The following CHD6 variants were observed in gnomAD, a reference collection of about 807,000 sequenced individuals.
CHD6 encodes the protein ATP-dependent chromatin remodeler CHD6.
In CHD6, 50 loss-of-function variants were observed where a neutral mutation model predicts 276.9. That is an observed-to-expected ratio of 0.18 (90% CI 0.14 to 0.23). CHD6 has a LOEUF of 0.23. CHD6 is among the 10% of genes least tolerant of loss of function. The pLI is 1.00. For synonymous variants in CHD6, 1,173 were observed against 1,229.3 expected, an observed-to-expected ratio of 0.95 and a Z score of 0.96; for missense variants, 2,564 against 3,365.8, an observed-to-expected ratio of 0.76 and a Z score of 5.89.
At chr20:41,587,702 C>T (rs558763683) in intron 1 of CHD6, among the ~76,000 whole-genome samples, 5 of 152,258 alleles carry the variant, frequency 3.3e-5, no homozygotes, top group African/African-American at 9.6e-5. Flanking sequence ...CTAACGTGTA[C>T]AAAGGATAGC....
At chr20:41,477,761 T>A (rs2043198986) in intron 16 of CHD6, among the ~76,000 whole-genome samples, 1 of 152,180 alleles carries the variant, frequency 6.6e-6, no homozygotes, top group Non-Finnish European at 1.5e-5. Context: ...GCAGAACACG[T>A]GACGGGATCA....
chr20:41,533,435 G>A lies in CHD6; in HGVS notation c.169C>T (p.Pro57Ser), dbSNP rs375832703. The A allele has an allele frequency of 3.1e-6, 5 of 1,614,024 alleles. No individual in the cohort carries two copies. The highest frequency in any genetic ancestry group is 4.2e-6 in the Non-Finnish European group (5 of 1,180,024). ...TCAGCAGTATACAGGTCCTTCTGAG[G>A]CAGACAGTGACTAGCAACATCTTCA... ...KIEDVASHCL[P>S]QKDLYTAEEE... is the part of the protein sequence containing the mutation. Residue 57 changes from proline to serine, a missense_variant, in exon 3 of 37, where the codon CCT (proline) becomes TCT (serine). Around this residue, in one of 7 missense-constraint regions of CHD6, gnomAD observed 286 missense variants for 297.8 expected, o/e 0.96. Coordinates refer to ENST00000373233, the MANE Select transcript of CHD6 (RefSeq NM_032221.5).
Position 41,586,461 on chromosome 20 carries a change from T to C in CHD6, c.-24+31879A>G, listed in dbSNP as rs561556701. On this transcript the variant is annotated intron_variant, in intron 1 of 36. Coordinates refer to ENST00000373233, the MANE Select transcript of CHD6 (RefSeq NM_032221.5). ...TTCCACGGTTCTCTTCCGTGACCCA[T>C]GGCTTCTAACAGAGCTATAGAACTC... Among the ~76,000 whole-genome samples, 11 of 152,336 alleles carry C rather than the reference T, an allele frequency of 7.2e-5. No homozygotes were observed. In the South Asian group the frequency reaches 1.7e-3, roughly 23 times the overall value.
chr20:41,488,352 C>T, intron 13 of CHD6, 76 bp downstream of exon 13: 1 of 1,302,856 alleles, frequency 7.7e-7, no homozygotes, highest in East Asian at 2.3e-5. Context: ...AAGTTACATG[C>T]AGAATGGCTA....
chr20:41,498,161 G>T lies in CHD6; in HGVS notation c.974+7C>A. On this transcript the variant is annotated splice_region_variant and intron_variant, in intron 7 of 36. Transcript: ENST00000373233. Reference sequence around the variant, plus strand: ...CCAAATACAGAGAATACTTTAAATAGACGTACAAATTTCTATACTTAACGT... The same window carrying T: ...CCAAATACAGAGAATACTTTAAATATACGTACAAATTTCTATACTTAACGT... 2 of 1,594,260 alleles carry T rather than the reference G, an allele frequency of 1.3e-6. No homozygotes were observed. The highest frequency in any genetic ancestry group is 1.7e-6 in the Non-Finnish European group (2 of 1,165,494).
intron 3 of CHD6, among the ~76,000 whole-genome samples, chr20:41,530,192 A>T (rs1023801332): frequency 3.3e-5 from 5 of 152,224 alleles, no homozygotes; most frequent in Admixed American, 6.5e-5. Context: ...CGAGCTGATA[A>T]ACGAATGCCC....
At chr20:41,427,793 T>C (rs543114006) in intron 27 of CHD6, among the ~76,000 whole-genome samples, 96 of 152,252 alleles carry the variant, frequency 6.3e-4, no homozygotes, top group Non-Finnish European at 1.2e-3. Flanking sequence ...TACCATTTTA[T>C]CTTATACTAC....
intron 1 of CHD6, among the ~76,000 whole-genome samples, chr20:41,584,633 A>C (rs2045574284): frequency 6.6e-6 from 1 of 152,172 alleles, no homozygotes; most frequent in Non-Finnish European, 1.5e-5. Context: ...CCAACTACAA[A>C]AAAATTAAAT....
At chr20:41,577,604 C>T (rs2045488782) in intron 1 of CHD6, among the ~76,000 whole-genome samples, 1 of 152,184 alleles carries the variant, frequency 6.6e-6, no homozygotes, top group Non-Finnish European at 1.5e-5. Context: ...GTGTGTGTGT[C>T]TACACACACT....
At position 41,452,324 on chromosome 20, in the gene CHD6, A is replaced by G. The variant is rs1439045950; in HGVS notation, c.3324-299T>C. On this transcript the variant is annotated intron_variant, in intron 21 of 36. Coordinates refer to ENST00000373233, the MANE Select transcript of CHD6 (RefSeq NM_032221.5). This position sits in a 1 kb window ranked among gnomAD's most constrained non-coding sequence, Gnocchi z 4.2. ...TAAATTTGGAATCAAAAAGAGTCCA[A>G]CAGCACTATTCAAAAGCAATGATGA... Among the ~76,000 whole-genome samples the G allele has an allele frequency of 6.6e-6, 1 of 152,236 alleles. No homozygotes were observed. The highest frequency in any genetic ancestry group is 1.5e-5 in the Non-Finnish European group (1 of 68,050).
At chr20:41,490,141 A>G (rs1442326868) in intron 11 of CHD6, 120 bp from the exon 12 acceptor site, 2 of 834,768 alleles carry the variant, frequency 2.4e-6, no homozygotes, top group Non-Finnish European at 1.9e-6. Context: ...CTTTATCATC[A>G]TTTCACATAT....
rs752468954 is a variant in CHD6 at position 41,445,632 on chromosome 20, TACAGAAGGGAACGCCTTCA to T, written c.3877+14_3877+32del. 1 of 1,430,654 alleles carries T rather than the reference TACAGAAGGGAACGCCTTCA, an allele frequency of 7.0e-7. No homozygotes were observed. Among genetic ancestry groups the T allele is most frequent in the Non-Finnish European group, 9.9e-7 (1 of 1,013,852 alleles). The allele number at this position is 1,430,654 out of a possible 1,614,324, so 88.6% of individuals were successfully genotyped here. ...ACTCATCCTTCCTGGGGGAAACTGA[TACAGAAGGGAACGCCTTCA>T]GAGAAATACACACCATGCTTGAACA... On this transcript the variant is annotated intron_variant, in intron 25 of 36. Transcript: ENST00000373233.
At chr20:41,461,601 C>T (rs1338714657) in intron 17 of CHD6, 2 of 159,878 alleles carry the variant, frequency 1.3e-5, no homozygotes, top group African/African-American at 4.8e-5. Context: ...TCTGAGTCCT[C>T]CCCATCCATG....
chr20:41,555,222 G>GC (rs1302207851), intron 1 of CHD6, among the ~76,000 whole-genome samples: 2 of 134,842 alleles, frequency 1.5e-5, no homozygotes, highest in Admixed American at 1.5e-4. Flanking sequence ...GGGGCGGCTG[G>GC]CCGGGTGGGG....
At position 41,533,174 on chromosome 20, in the gene CHD6, C is replaced by G. The variant is rs771882564; in HGVS notation, c.430G>C (p.Glu144Gln). 19 of 1,613,924 alleles carry G rather than the reference C, an allele frequency of 1.2e-5. No homozygotes were observed. Among genetic ancestry groups the G allele is most frequent in the Admixed American group, 1.7e-5 (1 of 60,012 alleles). Residue 144 changes from glutamate to glutamine, a missense_variant, in exon 3 of 37, where the codon GAG (glutamate) becomes CAG (glutamine). Around this residue, in one of 7 missense-constraint regions of CHD6, gnomAD observed 286 missense variants for 297.8 expected, o/e 0.96. Coordinates refer to ENST00000373233, the MANE Select transcript of CHD6 (RefSeq NM_032221.5). ...KEPKKAKEHK[E>Q]PKQKDGAKKA... is the part of the protein sequence containing the mutation. ...TTTGCCCCATCTTTTTGCTTCGGCTCCTTGTGCTCCTTGGCCTTCTTCGGC... is the reference window on the plus strand; with the variant it reads ...TTTGCCCCATCTTTTTGCTTCGGCTGCTTGTGCTCCTTGGCCTTCTTCGGC...
intron 17 of CHD6, among the ~76,000 whole-genome samples, chr20:41,461,376 A>T (rs1490757570): frequency 6.6e-6 from 1 of 152,194 alleles, no homozygotes; most frequent in Admixed American, 6.5e-5. Context: ...TCCAAATATC[A>T]ACTTGAATTG....
chr20:41,424,284 G>A lies in CHD6; in HGVS notation c.4347-584C>T, dbSNP rs6029676. Reference sequence around the variant, plus strand: ...ACAATTATCTTCTCTGGGACACAAAGGTCCTCTAGTCTTTATATCCTATAC... The same window carrying A: ...ACAATTATCTTCTCTGGGACACAAAAGTCCTCTAGTCTTTATATCCTATAC... On this transcript the variant is annotated intron_variant, in intron 29 of 36. Transcript: ENST00000373233. Among the ~76,000 whole-genome samples, 46 of 152,304 alleles carry A rather than the reference G, an allele frequency of 3.0e-4. 1 individual carries two copies. The highest frequency in any genetic ancestry group is 3.7e-4 in the Non-Finnish European group (25 of 68,024).
chr20:41,426,654 T>C (rs1438595170), intron 27 of CHD6, among the ~76,000 whole-genome samples: 5 of 152,178 alleles, frequency 3.3e-5, no homozygotes, highest in Admixed American at 3.3e-4. Flanking sequence ...GCTCCAGACA[T>C]GAAACCTGAT....
chr20:41,486,587 C>T (rs1035585810), intron 14 of CHD6, among the ~76,000 whole-genome samples: 5 of 152,178 alleles, frequency 3.3e-5, no homozygotes, highest in Non-Finnish European at 7.3e-5. Context: ...CAAACCTTTT[C>T]ATTCCCCTCA....
Sources: allele counts gnomAD v4.1 joint callset (sites outside exome capture counted in the v4.1 genomes callset), GRCh38; gene constraint gnomAD v4.1.1; regional missense constraint gnomAD v4.1.1; non-coding constraint Gnocchi (gnomAD v3.1); transcripts MANE v1.5; gene names NCBI Gene and HGNC (gene_info 2026-07-23, HGNC 2026-07-21).